The following TTL variants were observed in gnomAD, a reference collection of about 807,000 sequenced individuals.
The protein encoded by TTL is tubulin tyrosine ligase.
TTL carries 10 observed loss-of-function variants against 41.1 expected under a neutral mutation model. That is an observed-to-expected ratio of 0.24 (90% CI 0.15 to 0.41). The LOEUF (loss-of-function observed/expected upper bound fraction) is 0.41. Ranked by LOEUF, TTL falls within the 10% of genes least tolerant of loss-of-function variation. The probability of loss-of-function intolerance (pLI) is 1.00; values close to 1 mark genes in which losing one functional copy is unlikely to be tolerated. For synonymous variants in TTL, 175 were observed against 175.5 expected, an observed-to-expected ratio of 1.00 and a Z score of 0.02; for missense variants, 367 against 460.4, an observed-to-expected ratio of 0.80 and a Z score of 1.86.
chr2:112,503,387 A>ATG (rs932856547), intron 5 of TTL, among the ~76,000 whole-genome samples: 6,034 of 142,088 alleles, frequency 0.042, 411 homozygotes, highest in African/African-American at 0.14. Context: ...GTGTGTGTGT[A>ATG]TGTGTGTGTG....
chr2:112,537,539 G>A lies in TTL; in HGVS notation c.*8744G>A, dbSNP rs757573485. On this transcript the variant is annotated 3_prime_UTR_variant, in exon 7 of 7. Coordinates refer to ENST00000233336, the MANE Select transcript of TTL (RefSeq NM_153712.5). ...TTTTAATATAGCTATTCTGACTGGC[G>A]TGAGATGATATCTTATTGTGGTTGT... 2 of 152,104 alleles carry A rather than the reference G, an allele frequency of 1.3e-5. No homozygotes were observed. The highest frequency in any genetic ancestry group is 2.9e-5 in the Non-Finnish European group (2 of 68,040). 9.4% of individuals were successfully genotyped at this position (152,104 alleles called of 1,614,324 possible). A position where few individuals can be genotyped will look rare whatever the true frequency, so the allele number is the denominator to read the frequency against.
rs1295857608 is a variant in TTL, at chr2:112,536,802, T to G, written c.*8007T>G. On this transcript the variant is annotated 3_prime_UTR_variant, in exon 7 of 7. Coordinates refer to ENST00000233336, the MANE Select transcript of TTL (RefSeq NM_153712.5). ...ATTTGGTTTTCTGTTCCTGTGTTATTTCACTTAGGATAATGGCCTCCAGCA... is the reference window on the plus strand; with the variant it reads ...ATTTGGTTTTCTGTTCCTGTGTTATGTCACTTAGGATAATGGCCTCCAGCA... 6 of 152,256 alleles carry G rather than the reference T, an allele frequency of 3.9e-5. No individual in the cohort carries two copies. The highest frequency in any genetic ancestry group is 7.3e-5 in the Non-Finnish European group (5 of 68,064). The allele number at this position is 152,256 out of a possible 1,614,324, so 9.4% of individuals were successfully genotyped here.
rs1442292543 is a variant in TTL at position 112,532,255 on chromosome 2, G to A, written c.*3460G>A. The A allele has an allele frequency of 8.8e-6, 2 of 228,524 alleles. No homozygotes were observed. The highest frequency in any genetic ancestry group is 1.7e-5 in the Non-Finnish European group (2 of 115,138). 14.2% of individuals were successfully genotyped at this position (228,524 alleles called of 1,614,324 possible). On this transcript the variant is annotated 3_prime_UTR_variant, in exon 7 of 7. Coordinates refer to ENST00000233336, the MANE Select transcript of TTL (RefSeq NM_153712.5). Reference sequence around the variant, plus strand: ...TGGGCACCGGAGTAGGTCCCGTGTAGCATGCGGGTGCTGTAGAGAAAATTC... The same window carrying A: ...TGGGCACCGGAGTAGGTCCCGTGTAACATGCGGGTGCTGTAGAGAAAATTC...
rs1472600958 is a variant in TTL, at chr2:112,534,405, C to T, written c.*5610C>T. The T allele has an allele frequency of 6.6e-6, 1 of 152,292 alleles. No individual in the cohort carries two copies. The highest frequency in any genetic ancestry group is 1.9e-4 in the East Asian group (1 of 5,196). 9.4% of individuals were successfully genotyped at this position (152,292 alleles called of 1,614,324 possible). On this transcript the variant is annotated 3_prime_UTR_variant, in exon 7 of 7. Coordinates refer to ENST00000233336, the MANE Select transcript of TTL (RefSeq NM_153712.5). The stretch of plus-strand genomic sequence containing the variant: ...TTCTGACATTTTAATGTACCCTATT[C>T]CCACTCCCCCTTTCCCCAGCTCCAC...
intron 5 of TTL, among the ~76,000 whole-genome samples, chr2:112,518,104 G>T (rs1368166468): frequency 6.6e-6 from 1 of 151,648 alleles, no homozygotes. Context: ...GGGTTGCTGG[G>T]ATTACAGGCA....
At chr2:112,524,947 C>T (rs547198781) in intron 6 of TTL, among the ~76,000 whole-genome samples, 11 of 152,184 alleles carry the variant, frequency 7.2e-5, no homozygotes, top group African/African-American at 1.2e-4. Flanking sequence ...GTCATTAATG[C>T]GTCCTGAATT....
intron 5 of TTL, among the ~76,000 whole-genome samples, chr2:112,518,841 A>G (rs1227028058): frequency 6.6e-6 from 1 of 151,924 alleles, no homozygotes; most frequent in East Asian, 1.9e-4. Flanking sequence ...TGCCTGGCTA[A>G]TTTTTGTAAT....
intron 5 of TTL, among the ~76,000 whole-genome samples, chr2:112,518,699 G>C (rs929744873): frequency 1.4e-5 from 2 of 142,720 alleles, no homozygotes; most frequent in Non-Finnish European, 3.0e-5. Flanking sequence ...TTTTGAGACA[G>C]AATTTTGCTC....
rs1682469621 is a variant in TTL, at chr2:112,529,996, G to A, written c.*1201G>A. The stretch of plus-strand genomic sequence containing the variant: ...GGCTTTTCAGGAGGCCACATCACTA[G>A]CAGTAGGGAGAACAAGATGTCATTT... On this transcript the variant is annotated 3_prime_UTR_variant, in exon 7 of 7. Transcript: ENST00000233336. 1 of 229,002 alleles carries A rather than the reference G, an allele frequency of 4.4e-6. No individual in the cohort carries two copies. The highest frequency in any genetic ancestry group is 6.2e-5 in the East Asian group (1 of 16,028). 14.2% of individuals were successfully genotyped at this position (229,002 alleles called of 1,614,324 possible).
rs1409023445 is a variant in TTL, at chr2:112,528,839, C to T, written c.*44C>T. ...GCCTTGGAAAAAGCACGGGGTCCTG[C>T]TCCAGGGAATGGTGAAATGACTGGA... On this transcript the variant is annotated 3_prime_UTR_variant, in exon 7 of 7. Coordinates refer to ENST00000233336, the MANE Select transcript of TTL (RefSeq NM_153712.5). 1 of 1,444,512 alleles carries T rather than the reference C, an allele frequency of 6.9e-7. No homozygotes were observed. The highest frequency in any genetic ancestry group is 1.1e-5 in the South Asian group (1 of 87,540). The allele number at this position is 1,444,512 out of a possible 1,614,324, so 89.5% of individuals were successfully genotyped here. A position where few individuals can be genotyped will look rare whatever the true frequency, so the allele number is the denominator to read the frequency against.
intron 6 of TTL, among the ~76,000 whole-genome samples, chr2:112,523,348 GTC>G (rs1416099300): frequency 9.6e-4 from 69 of 72,094 alleles, no homozygotes; most frequent in African/African-American, 3.3e-3. Flanking sequence ...GTGTGTGTGT[GTC>G]TGTGTGTGTG....
At chr2:112,500,987 T>C (rs536591389) in intron 3 of TTL, among the ~76,000 whole-genome samples, 42 of 148,868 alleles carry the variant, frequency 2.8e-4, no homozygotes, top group Admixed American at 4.7e-4. Flanking sequence ...CAAGATAGCG[T>C]TGACACCTGT....
intron 2 of TTL, among the ~76,000 whole-genome samples, chr2:112,487,733 T>G (rs1041606764): frequency 7.2e-5 from 11 of 152,214 alleles, no homozygotes; most frequent in African/African-American, 2.7e-4. Flanking sequence ...CACCTTGTAA[T>G]GGTGACATGA....
chr2:112,493,607 C>A (rs1320372887), intron 2 of TTL, among the ~76,000 whole-genome samples: 1 of 152,154 alleles, frequency 6.6e-6, no homozygotes, highest in Non-Finnish European at 1.5e-5. Flanking sequence ...TTCACTATGA[C>A]CACTGGTGTC....
intron 6 of TTL, chr2:112,521,114 G>A: frequency 1.1e-6 from 1 of 936,284 alleles, no homozygotes; most frequent in Non-Finnish European, 1.3e-6. Flanking sequence ...GGGGTCTGGA[G>A]CTGGGGTGCA....
At chr2:112,511,972 C>T (rs890712603) in intron 5 of TTL, among the ~76,000 whole-genome samples, 1 of 146,578 alleles carries the variant, frequency 6.8e-6, no homozygotes, top group African/African-American at 2.6e-5. Context: ...TGTTTCCATC[C>T]TTTTATTTTC....
chr2:112,521,126 G>T (rs1682215033), intron 6 of TTL: 1 of 972,494 alleles, frequency 1.0e-6, no homozygotes, highest in South Asian at 4.8e-5. Flanking sequence ...TGGGGTGCAA[G>T]AAAAGAGGGT....
At chr2:112,525,054 T>C (rs1244237900) in intron 6 of TTL, among the ~76,000 whole-genome samples, 1 of 152,246 alleles carries the variant, frequency 6.6e-6, no homozygotes, top group Admixed American at 6.5e-5. Flanking sequence ...GGGAATCCTT[T>C]CCTCATTTCT....
intron 3 of TTL, among the ~76,000 whole-genome samples, chr2:112,498,999 T>C (rs1408949689): frequency 6.6e-6 from 1 of 151,568 alleles, no homozygotes; most frequent in Non-Finnish European, 1.5e-5. Context: ...CTTAATACAC[T>C]GTAGTATTCA....
Sources: allele counts gnomAD v4.1 joint callset (sites outside exome capture counted in the v4.1 genomes callset), GRCh38; gene constraint gnomAD v4.1.1; transcripts MANE v1.5; gene names NCBI Gene and HGNC (gene_info 2026-07-23, HGNC 2026-07-21).